The following ADGRG2 variants were observed in gnomAD, a reference collection of about 807,000 sequenced individuals.
The protein encoded by ADGRG2 is adhesion G protein-coupled receptor G2.
In ADGRG2, 26 loss-of-function variants were observed where a neutral mutation model predicts 74.1. The observed-to-expected ratio is 0.35, with a 90% CI of 0.26 to 0.49. The LOEUF is 0.49. ADGRG2 is among the 20% of genes least tolerant of loss of function. The probability of loss-of-function intolerance (pLI) is 0.99; values close to 1 mark genes in which losing one functional copy is unlikely to be tolerated. For synonymous variants in ADGRG2, 296 were observed against 295.2 expected (o/e 1.00, Z -0.03); for missense variants, 619 against 763.1 (o/e 0.81, Z 2.22).
intron 3 of ADGRG2, among the ~76,000 whole-genome samples, chrX:19,054,141 T>G (rs1047232200): frequency 3.6e-5 from 4 of 112,162 alleles, no homozygotes; most frequent in African/African-American, 6.5e-5. Context: ...GATTTCTCCC[T>G]TCTACGTGCA....
At chrX:19,110,713 A>C (rs1284381517) in intron 1 of ADGRG2, among the ~76,000 whole-genome samples, 3 of 110,150 alleles carry the variant, frequency 2.7e-5, no homozygotes, top group Non-Finnish European at 3.8e-5. Flanking sequence ...AAACAAAAAA[A>C]AAAAACAAAA....
At chrX:19,041,547 C>T (rs1232076978) in intron 3 of ADGRG2, among the ~76,000 whole-genome samples, 3 of 111,661 alleles carry the variant, frequency 2.7e-5, no homozygotes, top group Non-Finnish European at 5.6e-5. Flanking sequence ...TACCTGGTAG[C>T]CTCCAGGAGC....
At chrX:19,040,667 A>G (rs2061040929) in intron 3 of ADGRG2, among the ~76,000 whole-genome samples, 1 of 112,057 alleles carries the variant, frequency 8.9e-6, no homozygotes, top group Non-Finnish European at 1.9e-5. Flanking sequence ...CACAGACGTT[A>G]TATCTATTAA....
At chrX:19,105,391 T>C (rs745811101) in intron 1 of ADGRG2, among the ~76,000 whole-genome samples, 1 of 112,466 alleles carries the variant, frequency 8.9e-6, no homozygotes, top group Non-Finnish European at 1.9e-5. Context: ...CCAACTATAA[T>C]TAGTTGCTAT....
chrX:19,048,487 G>A (rs1938972029), intron 3 of ADGRG2, among the ~76,000 whole-genome samples: 1 of 111,943 alleles, frequency 8.9e-6, no homozygotes, highest in Non-Finnish European at 1.9e-5. Context: ...ACTAGGATGT[G>A]AGGCAGGCTC....
intron 1 of ADGRG2, among the ~76,000 whole-genome samples, chrX:19,120,313 A>G (rs902896438): frequency 1.8e-5 from 2 of 112,256 alleles, no homozygotes; most frequent in Admixed American, 9.5e-5. Flanking sequence ...ATGAGATGCT[A>G]AATAGAGACT....
At chrX:19,016,025 G>T (rs188030244) in intron 15 of ADGRG2, among the ~76,000 whole-genome samples, 6 of 112,359 alleles carry the variant, frequency 5.3e-5, no homozygotes, top group Non-Finnish European at 9.4e-5. Context: ...CGGCAGAGCA[G>T]TGGTGGGCAA....
At chrX:19,042,743 C>A (rs2061094781) in intron 3 of ADGRG2, among the ~76,000 whole-genome samples, 1 of 111,213 alleles carries the variant, frequency 9.0e-6, no homozygotes, top group African/African-American at 3.3e-5. Flanking sequence ...ATAATCCCAG[C>A]ATTTTAGGAG....
At chrX:19,105,909 C>CA (rs1239558005) in intron 1 of ADGRG2, among the ~76,000 whole-genome samples, 1 of 73,209 alleles carries the variant, frequency 1.4e-5, no homozygotes, top group Non-Finnish European at 2.3e-5. Flanking sequence ...GTCTAAGCGA[C>CA]AGAGCGAGAC....
chrX:19,106,312 C>A (rs1123799), intron 1 of ADGRG2, among the ~76,000 whole-genome samples: 4,774 of 110,415 alleles, frequency 0.043, 252 homozygotes, highest in African/African-American at 0.15. Context: ...ATGTGCAGCT[C>A]GTGGCTGGAA....
chrX:19,121,387 A>C (rs971211060), intron 1 of ADGRG2, among the ~76,000 whole-genome samples: 1 of 111,583 alleles, frequency 9.0e-6, no homozygotes, highest in Non-Finnish European at 1.9e-5. Context: ...TTAATTTTTC[A>C]AGCGAACCTT....
At chrX:19,116,921 C>T (rs1283261315) in intron 1 of ADGRG2, among the ~76,000 whole-genome samples, 1 of 112,325 alleles carries the variant, frequency 8.9e-6, no homozygotes, top group African/African-American at 3.2e-5. Context: ...AATATCAATA[C>T]ATTGCACACA....
In ADGRG2 at chrX:18,999,093, T is replaced by A; in HGVS notation, c.2517A>T (p.Thr839=). 4 of 1,209,757 alleles carry A rather than the reference T, an allele frequency of 3.3e-6. No homozygotes were observed. The highest frequency in any genetic ancestry group is 4.5e-6 in the Non-Finnish European group (4 of 893,594). ...IQDLRSIAGL[T]FLLGITWGFA... is the part of the protein sequence containing the mutation. The stretch of plus-strand genomic sequence containing the variant: ...AGCCCCAAGTTATTCCCAGTAAAAA[T>A]GTAAGGCCAGCGATACTCCTGAGGT... The change falls in exon 26 of 29, where the codon ACA becomes ACT. Residue 839 remains threonine (T), a synonymous_variant. Coordinates refer to ENST00000379869, the MANE Select transcript of ADGRG2 (RefSeq NM_001079858.3).
intron 22 of ADGRG2, 62 bp downstream of exon 22, chrX:19,005,940 A>G: frequency 1.5e-6 from 1 of 652,631 alleles, no homozygotes; most frequent in Non-Finnish European, 2.6e-6. Flanking sequence ...TAGACATTGT[A>G]GTGTGATGCC....
At chrX:19,101,244 T>C (rs1233460736) in intron 1 of ADGRG2, among the ~76,000 whole-genome samples, 1 of 110,215 alleles carries the variant, frequency 9.1e-6, no homozygotes, top group East Asian at 2.8e-4. Context: ...TAGAGCTACA[T>C]GTAGCCAAGA....
intron 3 of ADGRG2, among the ~76,000 whole-genome samples, chrX:19,041,045 T>G (rs952925708): frequency 9.0e-6 from 1 of 111,287 alleles, no homozygotes; most frequent in Admixed American, 9.6e-5. Flanking sequence ...TATATATGTA[T>G]GTATAAGGAT....
intron 1 of ADGRG2, among the ~76,000 whole-genome samples, chrX:19,115,364 C>T (rs1569155635): frequency 2.7e-5 from 3 of 111,385 alleles, no homozygotes; most frequent in South Asian, 3.8e-4. Flanking sequence ...GAAAAGAAGA[C>T]GCAGCATCAG....
At chrX:19,011,972 C>G (rs1449525370) in intron 16 of ADGRG2, among the ~76,000 whole-genome samples, 1 of 112,366 alleles carries the variant, frequency 8.9e-6, no homozygotes, top group African/African-American at 3.2e-5. Context: ...ACTTAACATC[C>G]TATTATTTTG....
chrX:19,043,467 G>GA (rs1207825914), intron 3 of ADGRG2, among the ~76,000 whole-genome samples: 2 of 112,026 alleles, frequency 1.8e-5, no homozygotes, highest in African/African-American at 6.5e-5. Context: ...ACAAAGAAAG[G>GA]AAAAACATTT....
Sources: gnomAD v4.1 joint callset for allele counts (sites outside exome capture counted in the v4.1 genomes callset) on GRCh38, gnomAD v4.1.1 for gene constraint, MANE v1.5 for transcripts, NCBI Gene and HGNC (gene_info 2026-07-23, HGNC 2026-07-21) for gene names.